The following NALCN variants were observed in gnomAD, a reference collection of about 807,000 sequenced individuals.
NALCN encodes sodium leak channel, non-selective, also known as sodium leak channel NALCN.
In NALCN, 111 loss-of-function variants were observed where a neutral mutation model predicts 225.3. The ratio of observed to expected loss-of-function variants is 0.49; its 90% CI spans 0.42 to 0.58. The LOEUF (loss-of-function observed/expected upper bound fraction) is 0.58. NALCN is among the 20% of genes least tolerant of loss of function. The pLI is 0.00. For synonymous variants in NALCN, 764 were observed against 769.0 expected, an observed-to-expected ratio of 0.99 and a Z score of 0.11; for missense variants, 1,378 against 2,202.4, an observed-to-expected ratio of 0.63 and a Z score of 7.49.
At chr13:101,408,776 T>C (rs2047696107) in intron 1 of NALCN, among the ~76,000 whole-genome samples, 1 of 152,116 alleles carries the variant, frequency 6.6e-6, no homozygotes, top group East Asian at 1.9e-4. Flanking sequence ...ATAATGTAGC[T>C]CTGCAAAAAA....
chr13:101,309,540 CATTTT>C (rs1023760684), intron 7 of NALCN, among the ~76,000 whole-genome samples: 1 of 152,146 alleles, frequency 6.6e-6, no homozygotes, highest in African/African-American at 2.4e-5. Context: ...ACCCCATATT[CATTTT>C]GTCTATTGGC....
rs141507135 is a variant in NALCN, at chr13:101,144,799, A to G, written c.1937T>C (p.Ile646Thr). Residue 646 changes from isoleucine to threonine, a missense_variant, in exon 16 of 44, where the codon ATC (isoleucine) becomes ACC (threonine). By Grantham distance (89) the Ile-to-Thr change is moderately conservative. Around this residue, in one of 19 missense-constraint regions of NALCN, gnomAD observed 62 missense variants for 143.6 expected, o/e 0.43. Transcript: ENST00000251127. ...KFPNRPQMVK[I>T]SKLPSDFTVP... ...TGTAAAATCTGAAGGAAGCTTTGAG[A>G]TTTTCACCATTTGAGGTCTGTTTGG... 2.5e-5 allele frequency: 41 copies of G among 1,612,478 alleles called. No homozygotes were observed. Among genetic ancestry groups the G allele is most frequent in the Non-Finnish European group, 3.2e-5 (38 of 1,179,414 alleles).
intron 17 of NALCN, among the ~76,000 whole-genome samples, chr13:101,132,671 T>A (rs2036575952): frequency 6.6e-6 from 1 of 152,108 alleles, no homozygotes; most frequent in Non-Finnish European, 1.5e-5. Context: ...AATTAAGTTG[T>A]CTAAGTTCAC....
chr13:101,216,197 G>C (rs2040723679), intron 13 of NALCN, among the ~76,000 whole-genome samples: 1 of 152,008 alleles, frequency 6.6e-6, no homozygotes, highest in Admixed American at 6.6e-5. Flanking sequence ...ATAAAATACA[G>C]CTCCATGTAC....
intron 13 of NALCN, among the ~76,000 whole-genome samples, chr13:101,220,313 G>A (rs908389361): frequency 3.9e-5 from 6 of 152,174 alleles, no homozygotes; most frequent in Admixed American, 6.5e-5. Context: ...GTCTAGAGAA[G>A]GGAGGGAAAA....
intron 3 of NALCN, among the ~76,000 whole-genome samples, chr13:101,378,999 A>T (rs1251840121): frequency 6.6e-6 from 1 of 152,156 alleles, no homozygotes; most frequent in African/African-American, 2.4e-5. Context: ...TGCCTACAAG[A>T]ACCAAGAGTG....
intron 13 of NALCN, among the ~76,000 whole-genome samples, chr13:101,221,829 T>A (rs1000944221): frequency 2.6e-5 from 4 of 152,168 alleles, no homozygotes; most frequent in Non-Finnish European, 4.4e-5. Flanking sequence ...ACAAATCCCA[T>A]TTCCTAAAAC....
rs2031096358 is a variant in NALCN at position 101,055,428 on chromosome 13, G to A, written c.5084C>T (p.Thr1695Ile). ...CATTTTGCACACGACAGATTTCATG[G>A]TTGTCCTTCCTCCAAACCGTAAGTT... ...SVNLRFGGRT[T>I]MKSVVCKMNP... The change falls in exon 44 of 44, where the codon ACC becomes ATC. Residue 1695 changes from threonine (T) to isoleucine (I), a missense_variant. Physicochemically the swap from Thr to Ile is moderately conservative, Grantham distance 89 (BLOSUM62 -1). Coordinates refer to ENST00000251127, the MANE Select transcript of NALCN (RefSeq NM_052867.4). 10 of 1,614,090 alleles carry A rather than the reference G, an allele frequency of 6.2e-6. No individual in the cohort carries two copies. The highest frequency in any genetic ancestry group is 8.5e-6 in the Non-Finnish European group (10 of 1,180,002).
chr13:101,361,283 C>T (rs1318464780), intron 6 of NALCN, among the ~76,000 whole-genome samples: 1 of 152,042 alleles, frequency 6.6e-6, no homozygotes, highest in Non-Finnish European at 1.5e-5. Context: ...TCTGTGGAGG[C>T]GGCTACAGTA....
At chr13:101,222,444 G>A (rs757224217) in intron 13 of NALCN, among the ~76,000 whole-genome samples, 21 of 152,162 alleles carry the variant, frequency 1.4e-4, no homozygotes, top group Non-Finnish European at 1.5e-4. Flanking sequence ...CAATACTCAT[G>A]CTCTGATCTA....
chr13:101,098,842 G>A (rs1449289177), intron 27 of NALCN, among the ~76,000 whole-genome samples: 4 of 149,468 alleles, frequency 2.7e-5, no homozygotes, highest in South Asian at 2.3e-4. Flanking sequence ...CCGTCTCACC[G>A]TGCCAATTTC....
intron 13 of NALCN, among the ~76,000 whole-genome samples, chr13:101,204,072 G>T (rs2040226980): frequency 6.6e-6 from 1 of 152,108 alleles, no homozygotes; most frequent in African/African-American, 2.4e-5. Context: ...TCCTAGTCTG[G>T]GGAGTTTAAT....
intron 13 of NALCN, among the ~76,000 whole-genome samples, chr13:101,217,310 A>T (rs1183136863): frequency 6.6e-6 from 1 of 152,210 alleles, no homozygotes; most frequent in Non-Finnish European, 1.5e-5. Flanking sequence ...TGAATAGTTC[A>T]TCTAAATTGT....
At chr13:101,397,787 CTTTATA>C (rs529218985) in intron 2 of NALCN, among the ~76,000 whole-genome samples, 240 of 152,010 alleles carry the variant, frequency 1.6e-3, no homozygotes, top group African/African-American at 4.9e-3. Context: ...TTATAGATAA[CTTTATA>C]TTTACATACA....
chr13:101,185,153 C>T (rs775515328), intron 14 of NALCN, among the ~76,000 whole-genome samples: 9 of 152,126 alleles, frequency 5.9e-5, no homozygotes, highest in African/African-American at 1.7e-4. Context: ...TATGGGTCAA[C>T]AAAAAGTCAA....
chr13:101,332,968 C>T (rs1408579640), intron 7 of NALCN, among the ~76,000 whole-genome samples: 1 of 152,172 alleles, frequency 6.6e-6, no homozygotes, highest in Non-Finnish European at 1.5e-5. Context: ...AAATTTATTT[C>T]ACCTTCATTT....
intron 7 of NALCN, among the ~76,000 whole-genome samples, chr13:101,306,437 G>A (rs576638607): frequency 2.4e-4 from 37 of 152,200 alleles, no homozygotes; most frequent in African/African-American, 8.4e-4. Flanking sequence ...CCTCTATGTC[G>A]AGAAATTCCT....
rs1272056466 is a variant in NALCN, at chr13:101,054,149, T to TAACA, written c.*1142_*1145dup. 6.6e-6 allele frequency: 1 copy of TAACA among 152,190 alleles called. No individual in the cohort carries two copies. Among genetic ancestry groups the TAACA allele is most frequent in the African/African-American group, 2.4e-5 (1 of 41,444 alleles). The allele number at this position is 152,190 out of a possible 1,614,324, so 9.4% of individuals were successfully genotyped here. A position where few individuals can be genotyped will look rare whatever the true frequency, so the allele number is the denominator to read the frequency against. On this transcript the variant is annotated 3_prime_UTR_variant, in exon 44 of 44. Transcript: ENST00000251127. ...CTTGGCTGGCCCAGCACAAGAAATC[T>TAACA]AACAGCACTTTGTAATCATTTTGCT...
At chr13:101,254,698 C>T (rs1180272886) in intron 11 of NALCN, among the ~76,000 whole-genome samples, 3 of 76,814 alleles carry the variant, frequency 3.9e-5, no homozygotes, top group Admixed American at 3.4e-4. Flanking sequence ...GAGACCATCC[C>T]GGCTAAAACG....
Sources: gnomAD v4.1 joint callset for allele counts (sites outside exome capture counted in the v4.1 genomes callset) on GRCh38, gnomAD v4.1.1 for gene constraint, gnomAD v4.1.1 regional missense constraint, MANE v1.5 for transcripts, NCBI Gene and HGNC (gene_info 2026-07-23, HGNC 2026-07-21) for gene names.